Variants in KCNJ16 observed in about 807,000 individuals in gnomAD.
The protein encoded by KCNJ16 is inward rectifier potassium channel 16.
Under a neutral mutation model 18.5 loss-of-function variants are expected in KCNJ16, and 15 were observed. The ratio of observed to expected loss-of-function variants is 0.81; its 90% CI spans 0.54 to 1.25. The LOEUF (loss-of-function observed/expected upper bound fraction) is 1.25, where lower values mean the gene tolerates loss of function less well. Ranked by LOEUF, KCNJ16 falls within the 50% of genes most tolerant of loss-of-function variation. KCNJ16 has a pLI of 0.00. For missense variants in KCNJ16, 523 were observed against 525.7 expected (o/e 0.99, Z 0.05); for synonymous variants, 174 against 186.5 (o/e 0.93, Z 0.55).
rs911868400 is a variant in KCNJ16, at chr17:70,132,915, T to A, written c.828T>A (p.Phe276Leu). ...GCAAAGCAGTAGCCAAAGATAACTT[T>A]GAGATTTTGGTGACATTTATCTATA... ...LDRKAVAKDNFEILVTFIYTG... is the reference protein window; with the variant it reads ...LDRKAVAKDNLEILVTFIYTG... Residue 276 changes from phenylalanine to leucine, a missense_variant, in exon 4 of 4, where the codon TTT becomes TTA. By Grantham distance (22) the Phe-to-Leu change is conservative. Transcript: ENST00000392671. 4 of 1,614,108 alleles carry A rather than the reference T, an allele frequency of 2.5e-6. No homozygotes were observed. The highest frequency in any genetic ancestry group is 1.6e-4 in the Middle Eastern group (1 of 6,062).
At chr17:70,099,167 A>AC (rs1331971519) in intron 1 of KCNJ16, among the ~76,000 whole-genome samples, 25 of 152,196 alleles carry the variant, frequency 1.6e-4, no homozygotes, top group Non-Finnish European at 1.5e-4. Flanking sequence ...TGCCAGTTGT[A>AC]CTTCTGACCC....
chr17:70,096,903 A>G (rs7224070), intron 1 of KCNJ16: 339,006 of 397,890 alleles, frequency 0.85, 144,626 homozygotes, highest in East Asian at 0.94. Context: ...CATTTAAAAT[A>G]TGATACTTCA....
At chr17:70,097,867 G>A (rs1223788102) in intron 1 of KCNJ16, among the ~76,000 whole-genome samples, 1 of 151,870 alleles carries the variant, frequency 6.6e-6, no homozygotes, top group Non-Finnish European at 1.5e-5. Context: ...TGACTTCCAA[G>A]TCCCTCTTGA....
At chr17:70,087,477 G>A (rs541387302) in intron 1 of KCNJ16, among the ~76,000 whole-genome samples, 7 of 152,120 alleles carry the variant, frequency 4.6e-5, no homozygotes, top group African/African-American at 1.7e-4. Flanking sequence ...CAAGGTGGGC[G>A]GATCATTTGA....
At chr17:70,111,982 A>G (rs1459539165) in intron 2 of KCNJ16, among the ~76,000 whole-genome samples, 1 of 152,150 alleles carries the variant, frequency 6.6e-6, no homozygotes, top group Non-Finnish European at 1.5e-5. Context: ...ACCAATCTCA[A>G]TGTGTTGCTT....
intron 2 of KCNJ16, among the ~76,000 whole-genome samples, chr17:70,126,437 G>C (rs931740892): frequency 1.3e-5 from 2 of 152,166 alleles, no homozygotes; most frequent in East Asian, 3.9e-4. Context: ...ATGGGGTTCA[G>C]ATTCAAACAA....
chr17:70,119,206 G>A (rs562922079), intron 2 of KCNJ16, among the ~76,000 whole-genome samples: 6 of 152,304 alleles, frequency 3.9e-5, no homozygotes, highest in Middle Eastern at 3.4e-3. Flanking sequence ...GCAGTTCCAC[G>A]TCTGTGGCTT....
intron 1 of KCNJ16, among the ~76,000 whole-genome samples, chr17:70,086,493 GTTAAGA>G (rs1474150208): frequency 6.6e-6 from 1 of 152,148 alleles, no homozygotes; most frequent in Admixed American, 6.5e-5. Flanking sequence ...ACAAAAAGCT[GTTAAGA>G]TTGTTTACAG....
intron 2 of KCNJ16, among the ~76,000 whole-genome samples, chr17:70,118,432 TAAAC>T (rs1202714732): frequency 6.6e-6 from 1 of 151,584 alleles, no homozygotes; most frequent in Non-Finnish European, 1.5e-5. Context: ...AATAAATAAA[TAAAC>T]AAATAAATGC....
chr17:70,106,905 T>C (rs2072957583), intron 2 of KCNJ16, among the ~76,000 whole-genome samples: 1 of 152,174 alleles, frequency 6.6e-6, no homozygotes, highest in Admixed American at 6.5e-5. Context: ...ATTTTGATCT[T>C]TATTAAGAGG....
rs575301700 is a variant in KCNJ16 at position 70,083,006 on chromosome 17, T to C, written c.-300+7616T>C. 3.3e-5 allele frequency among the ~76,000 whole-genome samples: 5 copies of C among 152,114 alleles called. No individual in the cohort carries two copies. In the South Asian group the frequency reaches 8.3e-4, roughly 25 times the overall value. On this transcript the variant is annotated intron_variant, in intron 1 of 3. Coordinates refer to ENST00000392671, the MANE Select transcript of KCNJ16 (RefSeq NM_170741.4). ...ACACGTTCCCTCAACAAACAGTTAA[T>C]AGGTTTGAACACTCAAGGTTTGATT...
chr17:70,075,604 G>C (rs896071162), intron 1 of KCNJ16, among the ~76,000 whole-genome samples: 2 of 152,080 alleles, frequency 1.3e-5, no homozygotes, highest in African/African-American at 4.8e-5. Context: ...TGAAGCTTTG[G>C]TTAAAAGTAG....
chr17:70,113,401 T>A (rs2073268579), intron 2 of KCNJ16, among the ~76,000 whole-genome samples: 2 of 152,246 alleles, frequency 1.3e-5, no homozygotes, highest in Non-Finnish European at 1.5e-5. Flanking sequence ...AGGGCAGTGA[T>A]ACTGCTCATA....
At chr17:70,094,419 C>G (rs1173901815) in intron 1 of KCNJ16, among the ~76,000 whole-genome samples, 1 of 152,070 alleles carries the variant, frequency 6.6e-6, no homozygotes, top group Admixed American at 6.5e-5. Flanking sequence ...GAGAAAACAT[C>G]TACATGAAGA....
At chr17:70,113,056 C>CAA (rs11414200) in intron 2 of KCNJ16, among the ~76,000 whole-genome samples, 1 of 152,106 alleles carries the variant, frequency 6.6e-6, no homozygotes, top group African/African-American at 2.4e-5. Flanking sequence ...TTCAAGGGAA[C>CAA]AAAAAATCAG....
chr17:70,089,529 A>C (rs2071989668), intron 1 of KCNJ16, among the ~76,000 whole-genome samples: 1 of 152,138 alleles, frequency 6.6e-6, no homozygotes, highest in South Asian at 2.1e-4. Context: ...CCAAAGGTGG[A>C]ATCTGTGACT....
Position 70,132,248 on chromosome 17 carries a change from G to A in KCNJ16, c.161G>A (p.Trp54Ter), listed in dbSNP as rs760164241. ...TACTTCAAGCACATTTTTGGAGAAT[G>A]GGGAAGCTATGTGGTTGACATCTTC... The part of the protein sequence containing the change: ...NVYFKHIFGE[W>*]GSYVVDIFTT... The change falls in exon 4 of 4, where the codon TGG (tryptophan) becomes TAG (stop). Residue 54 changes from tryptophan to a stop codon, truncating the protein, a stop_gained. Transcript: ENST00000392671. LOFTEE classifies it high-confidence loss of function. 3 of 1,614,238 alleles carry A rather than the reference G, an allele frequency of 1.9e-6. No homozygotes were observed. In the South Asian group the frequency reaches 3.3e-5, roughly 18 times the overall value.
intron 1 of KCNJ16, among the ~76,000 whole-genome samples, chr17:70,078,496 T>C (rs566547815): frequency 1.8e-4 from 27 of 152,344 alleles, no homozygotes; most frequent in African/African-American, 6.5e-4. Context: ...TTGCTCTCCT[T>C]TTAACTGAGA....
At chr17:70,090,487 C>T (rs1186057120) in intron 1 of KCNJ16, among the ~76,000 whole-genome samples, 1 of 152,184 alleles carries the variant, frequency 6.6e-6, no homozygotes, top group African/African-American at 2.4e-5. Context: ...CAGAGTCCTA[C>T]TTACAGAATG....
Sources: allele counts gnomAD v4.1 joint callset (sites outside exome capture counted in the v4.1 genomes callset), GRCh38; gene constraint gnomAD v4.1.1; transcripts MANE v1.5; gene names NCBI Gene and HGNC (gene_info 2026-07-23, HGNC 2026-07-21).